The following CENPL variants were observed in gnomAD, a reference collection of about 807,000 sequenced individuals.
The protein encoded by CENPL is interphase centromere complex protein 33.
Under a neutral mutation model 35.2 loss-of-function variants are expected in CENPL, and 20 were observed. The observed-to-expected ratio is 0.57, with a 90% CI of 0.40 to 0.83. CENPL has a LOEUF of 0.83. CENPL is among the 40% of genes least tolerant of loss of function. CENPL has a pLI of 0.00. For synonymous variants in CENPL, 140 were observed against 140.6 expected, an observed-to-expected ratio of 1.00 and a Z score of 0.03; for missense variants, 363 against 395.8, an observed-to-expected ratio of 0.92 and a Z score of 0.70.
At position 173,808,886 on chromosome 1, in the gene CENPL, A is replaced by G. The variant is rs1159270397; in HGVS notation, c.169-1368T>C. Among the ~76,000 whole-genome samples, 5 of 152,294 alleles carry G rather than the reference A, an allele frequency of 3.3e-5. No individual in the cohort carries two copies. The East Asian group carries it at 5.8e-4, about 18-fold the overall frequency. Reference sequence around the variant, plus strand: ...ATTGCAATGAAAGCAAAAATTAACAAATGGGATCTAATTAAACTAAAGGGC... The same window carrying G: ...ATTGCAATGAAAGCAAAAATTAACAGATGGGATCTAATTAAACTAAAGGGC... On this transcript the variant is annotated intron_variant, in intron 3 of 5. Transcript: ENST00000682279.
intron 2 of CENPL, chr1:173,823,175 C>T (rs1652149040): frequency 1.3e-5 from 2 of 152,226 alleles, no homozygotes; most frequent in African/African-American, 4.8e-5. Flanking sequence ...ATTGTCACCA[C>T]TTTTATCATT....
intron 5 of CENPL, among the ~76,000 whole-genome samples, chr1:173,801,076 A>T (rs1649704081): frequency 6.6e-6 from 1 of 152,226 alleles, no homozygotes; most frequent in Non-Finnish European, 1.5e-5. Context: ...TTTGAAAAAC[A>T]TGAATATAGT....
At chr1:173,804,267 C>T (rs1260836218) in intron 4 of CENPL, among the ~76,000 whole-genome samples, 1 of 152,220 alleles carries the variant, frequency 6.6e-6, no homozygotes, top group Non-Finnish European at 1.5e-5. Context: ...TCCTTTTGGG[C>T]ATGCAGAATA....
At chr1:173,817,410 T>A (rs1319519992) in intron 2 of CENPL, among the ~76,000 whole-genome samples, 3 of 152,192 alleles carry the variant, frequency 2.0e-5, no homozygotes, top group African/African-American at 7.2e-5. Context: ...AAAAATGCTC[T>A]TCATCACTGG....
At chr1:173,806,908 T>C (rs189316781) in intron 4 of CENPL, among the ~76,000 whole-genome samples, 6 of 152,102 alleles carry the variant, frequency 3.9e-5, no homozygotes, top group South Asian at 2.1e-4. Context: ...ATTCTACTTA[T>C]AGAAATTTAA....
chr1:173,800,277 C>G lies in CENPL; in HGVS notation c.*171G>C. On this transcript the variant is annotated 3_prime_UTR_variant, in exon 6 of 6. Transcript: ENST00000682279. ...GCTGTGGCTCATCTACTACCATATT[C>G]TTTGTTCTTCTAGATCCTTCTTGGC... 1 of 489,462 alleles carries G rather than the reference C, an allele frequency of 2.0e-6. No individual in the cohort carries two copies. The highest frequency in any genetic ancestry group is 3.8e-5 in the South Asian group (1 of 26,658). The allele number at this position is 489,462 out of a possible 1,614,324, so 30.3% of individuals were successfully genotyped here. A position where few individuals can be genotyped will look rare whatever the true frequency, so the allele number is the denominator to read the frequency against.
At position 173,810,463 on chromosome 1, in the gene CENPL, G is replaced by A. The variant is rs112361012; in HGVS notation, c.168+669C>T. On this transcript the variant is annotated intron_variant, in intron 3 of 5. Transcript: ENST00000682279. ...AATCTGTACAACCAACCCCCATGAC[G>A]CACGTTTACCTAGAAAACAAACCTG... 2.5e-3 allele frequency among the ~76,000 whole-genome samples: 375 copies of A among 151,856 alleles called. 1 individual carries two copies. The highest frequency in any genetic ancestry group is 8.5e-3 in the African/African-American group (350 of 41,390).
intron 5 of CENPL, among the ~76,000 whole-genome samples, chr1:173,802,439 C>T (rs1389727807): frequency 3.3e-5 from 5 of 152,132 alleles, no homozygotes; most frequent in Admixed American, 6.6e-5. Context: ...ATCTCCTGAC[C>T]TCATGATCCG....
chr1:173,808,590 C>G (rs1017187216), intron 3 of CENPL: 1 of 151,170 alleles, frequency 6.6e-6, no homozygotes, highest in African/African-American at 2.4e-5. Flanking sequence ...TCCCCCTTCC[C>G]CCTTTGTCAC....
chr1:173,804,097 C>A (rs541395126), intron 4 of CENPL, among the ~76,000 whole-genome samples: 17 of 152,260 alleles, frequency 1.1e-4, no homozygotes, highest in East Asian at 9.6e-4. Context: ...ACAAAAAAAA[C>A]CCCTCAACTT....
intron 2 of CENPL, among the ~76,000 whole-genome samples, chr1:173,819,516 G>A (rs1230090782): frequency 6.6e-6 from 1 of 152,048 alleles, no homozygotes; most frequent in Non-Finnish European, 1.5e-5. Flanking sequence ...TTGAACCCGG[G>A]AGGTGGAGGC....
intron 3 of CENPL, 54 bp from the exon 4 acceptor site, chr1:173,807,572 T>C: frequency 7.4e-7 from 1 of 1,357,016 alleles, no homozygotes; most frequent in South Asian, 1.6e-5. Flanking sequence ...ACAATAAGAA[T>C]TTAATCATAG....
intron 3 of CENPL, among the ~76,000 whole-genome samples, chr1:173,809,409 T>C (rs1335369343): frequency 6.6e-6 from 1 of 150,950 alleles, no homozygotes; most frequent in East Asian, 1.9e-4. Flanking sequence ...GACAACAGGG[T>C]GAACCACTGT....
At chr1:173,821,804 CTTTTTT>C (rs57573875) in intron 2 of CENPL, 9 of 94,050 alleles carry the variant, frequency 9.6e-5, no homozygotes, top group Non-Finnish European at 9.5e-5. Flanking sequence ...GTACTTCAGC[CTTTTTT>C]TTTTTTTTTT....
chr1:173,809,876 T>C (rs1650636569), intron 3 of CENPL, among the ~76,000 whole-genome samples: 2 of 151,088 alleles, frequency 1.3e-5, no homozygotes, highest in South Asian at 4.2e-4. Context: ...GCTGGTGAGG[T>C]TGTGGAGAAA....
intron 2 of CENPL, among the ~76,000 whole-genome samples, chr1:173,814,137 T>C (rs1052672434): frequency 2.6e-5 from 4 of 151,974 alleles, no homozygotes; most frequent in Non-Finnish European, 4.4e-5. Context: ...CTACCATATA[T>C]ATGTATATAT....
chr1:173,818,368 C>G (rs367838818), intron 2 of CENPL, among the ~76,000 whole-genome samples: 5 of 152,132 alleles, frequency 3.3e-5, no homozygotes, highest in African/African-American at 1.2e-4. Context: ...AATTCAGCTT[C>G]TCTTTATTTT....
intron 3 of CENPL, 119 bp from the exon 4 acceptor site, chr1:173,807,637 A>G (rs892801427): frequency 9.1e-6 from 7 of 766,038 alleles, no homozygotes; most frequent in Non-Finnish European, 1.4e-5. Flanking sequence ...TTGCACTCCA[A>G]CCAAATGAGT....
At chr1:173,803,690 G>C (rs1252464387) in intron 4 of CENPL, among the ~76,000 whole-genome samples, 185 bp from the exon 5 acceptor site, 1 of 135,370 alleles carries the variant, frequency 7.4e-6, no homozygotes, top group Non-Finnish European at 1.6e-5. Context: ...TTTTTTTTTT[G>C]AGATGGAGTC....
Sources: allele counts gnomAD v4.1 joint callset (sites outside exome capture counted in the v4.1 genomes callset), GRCh38; gene constraint gnomAD v4.1.1; transcripts MANE v1.5; gene names NCBI Gene and HGNC (gene_info 2026-07-23, HGNC 2026-07-21).